ATG16L1: variants seen among roughly 807,000 people sequenced by gnomAD.
The protein encoded by ATG16L1 is autophagy-related protein 16-1.
A neutral mutation model predicts 88.5 loss-of-function variants in ATG16L1; 37 were observed. That is an observed-to-expected ratio of 0.42 (90% confidence interval 0.32 to 0.55). ATG16L1 has a LOEUF of 0.55. Among genes scored for constraint, ATG16L1 ranks in the 20% least tolerant of loss-of-function variants. The pLI, the probability that ATG16L1 is intolerant of heterozygous loss-of-function variation, is 0.13. For missense variants in ATG16L1, 554 were observed against 752.8 expected (o/e 0.74, Z 3.09); for synonymous variants, 301 against 281.0 (o/e 1.07, Z -0.71).
intron 6 of ATG16L1, 114 bp from the exon 7 acceptor site, chr2:233,272,852 C>G (rs1211817121): frequency 2.3e-6 from 2 of 851,260 alleles, no homozygotes; most frequent in Non-Finnish European, 4.0e-6. Context: ...TAACGCATTG[C>G]TGTCATAGCC....
At chr2:233,276,359 C>T (rs150329601) in intron 9 of ATG16L1, among the ~76,000 whole-genome samples, 82 of 152,262 alleles carry the variant, frequency 5.4e-4, no homozygotes, top group African/African-American at 2.0e-3. Flanking sequence ...TCTCTTCCCC[C>T]CCACACTTAT....
chr2:233,252,226 A>G (rs1279441037), intron 1 of ATG16L1, among the ~76,000 whole-genome samples: 1 of 152,260 alleles, frequency 6.6e-6, no homozygotes, highest in Non-Finnish European at 1.5e-5. Flanking sequence ...TATGCACTTA[A>G]ATAGGTCCCA....
chr2:233,288,830 G>A lies in ATG16L1; in HGVS notation c.1204-1024G>A, dbSNP rs751910355. 7.7e-6 allele frequency: 4 copies of A among 519,174 alleles called. No individual in the cohort carries two copies. The East Asian group carries it at 1.6e-4, about 21-fold the overall frequency. The allele number at this position is 519,174 out of a possible 1,614,324, so 32.2% of individuals were successfully genotyped here. ...GATGTCCCTCATTCTGTGTTCCTCC[G>A]TGAGCTCAGGGAAGACACTGGTTGG... On this transcript the variant is annotated intron_variant, in intron 12 of 17. Coordinates refer to ENST00000392017, the MANE Select transcript of ATG16L1 (RefSeq NM_030803.7).
intron 8 of ATG16L1, chr2:233,274,051 T>C: frequency 6.5e-7 from 1 of 1,549,312 alleles, no homozygotes; most frequent in Non-Finnish European, 8.7e-7. Flanking sequence ...GGTGAAACTA[T>C]TATCCTCTCT....
chr2:233,267,998 CT>C (rs1304157949), intron 5 of ATG16L1, among the ~76,000 whole-genome samples: 2 of 152,222 alleles, frequency 1.3e-5, no homozygotes, highest in Non-Finnish European at 2.9e-5. Flanking sequence ...TCATTACCCA[CT>C]TCCTGCCTCC....
intron 3 of ATG16L1, 81 bp from the exon 4 acceptor site, chr2:233,263,911 A>C: frequency 7.2e-7 from 1 of 1,397,526 alleles, no homozygotes; most frequent in South Asian, 1.2e-5. Context: ...CTTTCTTAAA[A>C]ATAAATCGCC....
intron 1 of ATG16L1, 88 bp downstream of exon 1, chr2:233,252,030 C>T (rs2125184053): frequency 7.8e-6 from 9 of 1,159,762 alleles, no homozygotes; most frequent in Non-Finnish European, 9.1e-6. Context: ...GGCCGAGTCC[C>T]TGGCGCCGCC....
rs1697477121 is a variant in ATG16L1, at chr2:233,265,118, A to T, written c.616A>T (p.Asn206Tyr). ...AEKAQEANRL[N>Y]AENEKDSRRR... Reference sequence around the variant, plus strand: ...GAAAGCCCAGGAAGCCAATCGGCTTAATGCAGAGAATGAAAAAGACTCCAG... The same window carrying T: ...GAAAGCCCAGGAAGCCAATCGGCTTTATGCAGAGAATGAAAAAGACTCCAG... The change falls in exon 5 of 18, where the codon AAT becomes TAT. Residue 206 changes from asparagine (N) to tyrosine (Y), a missense_variant. Around this residue, in one of 5 missense-constraint regions of ATG16L1, gnomAD observed 370 missense variants for 509.7 expected, o/e 0.73. Transcript: ENST00000392017. 1 of 1,614,058 alleles carries T rather than the reference A, an allele frequency of 6.2e-7. No individual in the cohort carries two copies. Among genetic ancestry groups the T allele is most frequent in the Non-Finnish European group, 8.5e-7 (1 of 1,180,044 alleles).
intron 2 of ATG16L1, among the ~76,000 whole-genome samples, chr2:233,258,028 T>C (rs922487028): frequency 6.9e-6 from 1 of 145,756 alleles, no homozygotes; most frequent in Non-Finnish European, 1.5e-5. Flanking sequence ...TATCTATATA[T>C]CTATATATCT....
At chr2:233,283,930 T>C (rs1488697466) in intron 12 of ATG16L1, among the ~76,000 whole-genome samples, 6 of 151,022 alleles carry the variant, frequency 4.0e-5, no homozygotes, top group African/African-American at 1.5e-4. Context: ...CTGCAAACTC[T>C]GCCTCCTGGG....
chr2:233,255,301 A>G (rs1462848652), intron 1 of ATG16L1, among the ~76,000 whole-genome samples: 1 of 151,962 alleles, frequency 6.6e-6, no homozygotes, highest in Non-Finnish European at 1.5e-5. Flanking sequence ...TGTTCTTTCT[A>G]ATCTTGTGTT....
chr2:233,293,092 C>A (rs549171485), intron 16 of ATG16L1, among the ~76,000 whole-genome samples, 164 bp from the exon 17 acceptor site: 7 of 152,194 alleles, frequency 4.6e-5, no homozygotes, highest in Non-Finnish European at 7.3e-5. Flanking sequence ...TGGGGAAAAG[C>A]AGATTTGGCT....
In ATG16L1 at chr2:233,277,653, A is replaced by T; in HGVS notation, c.1040A>T (p.Lys347Met). ...LATGGMDRRV[K>M]LWEVFGEKCE... ...ACTGGAGGCATGGACCGCAGGGTTAAGCTTTGGGAAGTATTTGGAGGTGAG... is the reference window on the plus strand; with the variant it reads ...ACTGGAGGCATGGACCGCAGGGTTATGCTTTGGGAAGTATTTGGAGGTGAG... Residue 347 changes from lysine (K) to methionine (M), a missense_variant, in exon 10 of 18, where the codon AAG (lysine) becomes ATG (methionine). This residue lies in a region of ATG16L1 where 370 missense variants were observed against 509.7 expected (regional missense o/e 0.73). Coordinates refer to ENST00000392017, the MANE Select transcript of ATG16L1 (RefSeq NM_030803.7). The T allele has an allele frequency of 6.2e-7, 1 of 1,614,002 alleles. No homozygotes were observed. Among genetic ancestry groups the T allele is most frequent in the Non-Finnish European group, 8.5e-7 (1 of 1,179,900 alleles).
chr2:233,253,406 C>G (rs79341163), intron 1 of ATG16L1, among the ~76,000 whole-genome samples: 2,631 of 125,710 alleles, frequency 0.021, 81 homozygotes, highest in African/African-American at 0.074. Flanking sequence ...GTGCAAGTGG[C>G]GTGATCTCAG....
At chr2:233,260,349 A>G (rs1018833255) in intron 2 of ATG16L1, among the ~76,000 whole-genome samples, 2 of 152,204 alleles carry the variant, frequency 1.3e-5, no homozygotes, top group South Asian at 2.1e-4. Context: ...GACCTACTCT[A>G]TTAGAAACTC....
At chr2:233,270,139 T>A (rs1440349583) in intron 6 of ATG16L1, 72 bp downstream of exon 6, 11 of 1,458,368 alleles carry the variant, frequency 7.5e-6, no homozygotes, top group Admixed American at 2.5e-5. Flanking sequence ...GTTTTTATTT[T>A]TTTTTTTGTT....
chr2:233,280,527 G>C (rs561638023), intron 10 of ATG16L1, among the ~76,000 whole-genome samples: 21 of 152,302 alleles, frequency 1.4e-4, no homozygotes, highest in African/African-American at 5.1e-4. Flanking sequence ...GATTCATGGA[G>C]ATAAAGTATG....
Position 233,293,410 on chromosome 2 carries a change from C to T in ATG16L1, c.1730+53C>T, listed in dbSNP as rs1211486084. 3.0e-5 allele frequency: 45 copies of T among 1,507,730 alleles called. No individual in the cohort carries two copies. In the East Asian group the frequency reaches 9.9e-4, roughly 33 times the overall value. 93.4% of individuals were successfully genotyped at this position (1,507,730 alleles called of 1,614,324 possible). On this transcript the variant is annotated intron_variant, in intron 17 of 17. Transcript: ENST00000392017. ...GTTGCGTTGTGAGCAAGGCCTTTGACTTCATCTCAGGGGTCATCCGGTTTA... is the reference window on the plus strand; with the variant it reads ...GTTGCGTTGTGAGCAAGGCCTTTGATTTCATCTCAGGGGTCATCCGGTTTA...
At chr2:233,274,635 C>G (rs1698218666) in intron 8 of ATG16L1, 41 bp from the exon 9 acceptor site, 2 of 1,513,412 alleles carry the variant, frequency 1.3e-6, no homozygotes, top group Admixed American at 3.4e-5. Flanking sequence ...CAGTAAACCT[C>G]TGCAATCCTG....
Sources: gnomAD v4.1 joint callset for allele counts (sites outside exome capture counted in the v4.1 genomes callset) on GRCh38, gnomAD v4.1.1 for gene constraint, gnomAD v4.1.1 regional missense constraint, MANE v1.5 for transcripts, NCBI Gene and HGNC (gene_info 2026-07-23, HGNC 2026-07-21) for gene names.